The following MYH9 variants were observed in gnomAD, a reference collection of about 807,000 sequenced individuals.
MYH9 encodes myosin heavy chain 9.
MYH9 carries 29 observed loss-of-function variants against 241.9 expected under a neutral mutation model. That is an observed-to-expected ratio of 0.12 (90% CI 0.09 to 0.16). The LOEUF is 0.16. MYH9 is among the 10% of genes least tolerant of loss of function. MYH9 has a pLI of 1.00. For missense variants in MYH9, 1,803 were observed against 2,595.5 expected (o/e 0.69, Z 6.63); for synonymous variants, 1,047 against 1,062.6 (o/e 0.99, Z 0.29).
intron 3 of MYH9, among the ~76,000 whole-genome samples, chr22:36,338,088 C>T (rs2017527111): frequency 6.6e-6 from 1 of 152,014 alleles, no homozygotes; most frequent in Non-Finnish European, 1.5e-5. Context: ...ACCTCCGCCG[C>T]CCAGGTTCAA....
Position 36,341,413 on chromosome 22 carries a change from G to A in MYH9, c.447C>T (p.His149=), listed in dbSNP as rs1303513224. 1.2e-6 allele frequency: 2 copies of A among 1,614,076 alleles called. No individual in the cohort carries two copies. The highest frequency in any genetic ancestry group is 1.3e-5 in the African/African-American group (1 of 74,936). ...KGKKRHEMPP[H]IYAITDTAYR... is the part of the protein sequence containing the mutation. The stretch of plus-strand genomic sequence containing the variant: ...AGGCGGTGTCTGTGATGGCATAGAT[G>A]TGAGGGGGCATCTCGTGCCTCTTCT... The change falls in exon 3 of 41, where the codon CAC becomes CAT. Residue 149 remains histidine (H), a synonymous_variant. Transcript: ENST00000216181.
At chr22:36,331,238 G>A (rs16996677) in intron 3 of MYH9, among the ~76,000 whole-genome samples, 11,528 of 152,082 alleles carry the variant, frequency 0.076, 1,506 homozygotes, top group African/African-American at 0.27. Context: ...TGTTCCTGTC[G>A]TACACGGTGT....
chr22:36,339,817 G>A (rs918089994), intron 3 of MYH9, among the ~76,000 whole-genome samples: 2 of 152,140 alleles, frequency 1.3e-5, no homozygotes, highest in Non-Finnish European at 2.9e-5. Flanking sequence ...GATTACATAT[G>A]CCAGGTACTT....
chr22:36,327,595 T>A, intron 3 of MYH9, 107 bp from the exon 4 acceptor site: 3 of 1,305,846 alleles, frequency 2.3e-6, no homozygotes, highest in Non-Finnish European at 3.3e-6. Context: ...GTGTCACAGA[T>A]GCTGTCTTTG....
chr22:36,352,498 C>T (rs2146396287), intron 1 of MYH9, among the ~76,000 whole-genome samples: 1 of 152,302 alleles, frequency 6.6e-6, no homozygotes, highest in South Asian at 2.1e-4. Context: ...CCATGGGCAC[C>T]CTCAGGCTGC....
At chr22:36,374,670 C>A (rs1043938250) in intron 1 of MYH9, among the ~76,000 whole-genome samples, 1 of 152,258 alleles carries the variant, frequency 6.6e-6, no homozygotes, top group Non-Finnish European at 1.5e-5. Flanking sequence ...CAGCATCCAC[C>A]CCCAAGGTGA....
intron 3 of MYH9, among the ~76,000 whole-genome samples, chr22:36,332,932 C>T (rs140755376): frequency 2.6e-5 from 4 of 152,298 alleles, no homozygotes; most frequent in Non-Finnish European, 4.4e-5. Context: ...AAACCACATA[C>T]GAGTGCTGAC....
In MYH9 at chr22:36,288,705, G is replaced by T; in HGVS notation, c.4770+22C>A. 6.2e-7 allele frequency: 1 copy of T among 1,600,266 alleles called. No individual in the cohort carries two copies. Among genetic ancestry groups the T allele is most frequent in the Non-Finnish European group, 8.5e-7 (1 of 1,179,744 alleles). On this transcript the variant is annotated intron_variant, in intron 33 of 40. Coordinates refer to ENST00000216181, the MANE Select transcript of MYH9 (RefSeq NM_002473.6). The surrounding 1 kb of genome is among the most constrained non-coding windows in gnomAD (Gnocchi z 4.8). ...CCAAGGCAGCCTTGGGCACCCATGG[G>T]GTAGCAGGAGGCCATGCACACCTGT...
intron 15 of MYH9, among the ~76,000 whole-genome samples, chr22:36,307,874 A>C (rs1210397990): frequency 2.6e-5 from 4 of 151,780 alleles, no homozygotes; most frequent in Non-Finnish European, 5.9e-5. Flanking sequence ...GGTGACAAGA[A>C]CAAAACTCTG....
In MYH9 at chr22:36,320,151, A is replaced by T; in HGVS notation, c.1012+69T>A. The T allele has an allele frequency of 6.4e-7, 1 of 1,551,542 alleles. No homozygotes were observed. Among genetic ancestry groups the T allele is most frequent in the South Asian group, 1.1e-5 (1 of 89,856 alleles). Reference sequence around the variant, plus strand: ...CTCCCCAGGCCCATCGGCTACCCTGATGCCCCGAGGCCGTGGGTACCAGCC... The same window carrying T: ...CTCCCCAGGCCCATCGGCTACCCTGTTGCCCCGAGGCCGTGGGTACCAGCC... On this transcript the variant is annotated intron_variant, in intron 9 of 40. Transcript: ENST00000216181. The surrounding 1 kb of genome is among the most constrained non-coding windows in gnomAD (Gnocchi z 4.8).
intron 38 of MYH9, 58 bp from the exon 39 acceptor site, chr22:36,284,569 C>T: frequency 6.5e-7 from 1 of 1,542,410 alleles, no homozygotes; most frequent in Middle Eastern, 1.7e-4. Context: ...GTCCGGCCAA[C>T]AAGCCCTAAC....
At chr22:36,348,785 C>T in intron 2 of MYH9, 119 bp downstream of exon 2, 1 of 953,086 alleles carries the variant, frequency 1.0e-6, no homozygotes, top group Non-Finnish European at 1.6e-6. Flanking sequence ...CTCCTTCAAG[C>T]CCCCTTCTCA....
In MYH9 at chr22:36,281,551, A is replaced by G. The variant is rs561197861; in HGVS notation, c.*1117T>C. The G allele has an allele frequency of 1.7e-4, 38 of 229,074 alleles. No homozygotes were observed. Among genetic ancestry groups the G allele is most frequent in the African/African-American group, 7.7e-4 (35 of 45,208 alleles). The allele number at this position is 229,074 out of a possible 1,614,324, so 14.2% of individuals were successfully genotyped here. The stretch of plus-strand genomic sequence containing the variant: ...CTTGCCGTAAGTCTCAATGCAGCAT[A>G]TACAAAACAGTTAGGAATACAAGTA... On this transcript the variant is annotated 3_prime_UTR_variant, in exon 41 of 41. Transcript: ENST00000216181.
At chr22:36,373,021 T>TC (rs1434556751) in intron 1 of MYH9, among the ~76,000 whole-genome samples, 4 of 152,026 alleles carry the variant, frequency 2.6e-5, no homozygotes, top group African/African-American at 4.8e-5. Flanking sequence ...ACCCATCTTC[T>TC]CCCCTTAGGC....
At chr22:36,299,156 C>G in intron 23 of MYH9, 114 bp from the exon 24 acceptor site, 2 of 1,377,812 alleles carry the variant, frequency 1.5e-6, no homozygotes, top group Non-Finnish European at 2.0e-6. Context: ...GCTTTAGACG[C>G]TTGATCAAGT....
chr22:36,302,292 A>G, intron 20 of MYH9: 1 of 357,434 alleles, frequency 2.8e-6, no homozygotes, highest in South Asian at 2.8e-5. Context: ...AAATAAAGAG[A>G]TTTTTTTTTT....
Position 36,293,362 on chromosome 22 carries a change from G to A in MYH9, c.4062C>T (p.Asn1354=). 6.2e-7 allele frequency: 1 copy of A among 1,614,062 alleles called. No homozygotes were observed. Among genetic ancestry groups the A allele is most frequent in the Non-Finnish European group, 8.5e-7 (1 of 1,180,036 alleles). The change falls in exon 30 of 41, where the codon AAC becomes AAT. Residue 1354 remains asparagine, a synonymous_variant. Coordinates refer to ENST00000216181, the MANE Select transcript of MYH9 (RefSeq NM_002473.6). This position sits in a 1 kb window ranked among gnomAD's most constrained non-coding sequence, Gnocchi z 5.1. The stretch of plus-strand genomic sequence containing the variant: ...GGAGGGTGGCGATCTGCTTCTCCAG[G>A]TTGTGCTTGGCCTCCTCCTCCTCCT... ...QLEEEEEAKH[N]LEKQIATLHA... is the part of the protein sequence containing the mutation.
chr22:36,309,120 C>T (rs1324733836), intron 15 of MYH9, among the ~76,000 whole-genome samples, 162 bp downstream of exon 15: 2 of 152,164 alleles, frequency 1.3e-5, no homozygotes, highest in Admixed American at 6.5e-5. Flanking sequence ...TGTTTCGGTC[C>T]GAGGAGCCCT....
Position 36,281,633 on chromosome 22 carries a change from A to G in MYH9, c.*1035T>C, listed in dbSNP as rs1198858357. On this transcript the variant is annotated 3_prime_UTR_variant, in exon 41 of 41. Coordinates refer to ENST00000216181, the MANE Select transcript of MYH9 (RefSeq NM_002473.6). ...GAGCTACTCTCTTCTAAACAAAGGCAGTGAGAAAGACTCGGAATTTTATCA... is the reference window on the plus strand; with the variant it reads ...GAGCTACTCTCTTCTAAACAAAGGCGGTGAGAAAGACTCGGAATTTTATCA... 4.3e-6 allele frequency: 1 copy of G among 230,346 alleles called. No homozygotes were observed. The highest frequency in any genetic ancestry group is 2.2e-5 in the African/African-American group (1 of 45,180). 14.3% of individuals were successfully genotyped at this position (230,346 alleles called of 1,614,324 possible). A position where few individuals can be genotyped will look rare whatever the true frequency, so the allele number is the denominator to read the frequency against.
Sources: allele counts gnomAD v4.1 joint callset (sites outside exome capture counted in the v4.1 genomes callset), GRCh38; gene constraint gnomAD v4.1.1; non-coding constraint Gnocchi (gnomAD v3.1); transcripts MANE v1.5; gene names NCBI Gene and HGNC (gene_info 2026-07-23, HGNC 2026-07-21).